CLDN10: variants seen among roughly 807,000 people sequenced by gnomAD.
CLDN10 encodes the protein claudin 10.
CLDN10 carries 15 observed loss-of-function variants against 22.9 expected under a neutral mutation model. That is an observed-to-expected ratio of 0.65 (90% CI 0.44 to 1.01). The LOEUF (loss-of-function observed/expected upper bound fraction) is 1.01, where lower values mean the gene tolerates loss of function less well. Ranked by LOEUF, CLDN10 falls within the 50% of genes least tolerant of loss-of-function variation. The pLI, the probability that CLDN10 is intolerant of heterozygous loss-of-function variation, is 0.00. For missense variants in CLDN10, 247 were observed against 287.8 expected, an observed-to-expected ratio of 0.86 and a Z score of 1.03; for synonymous variants, 114 against 111.4, an observed-to-expected ratio of 1.02 and a Z score of -0.15.
intron 1 of CLDN10, among the ~76,000 whole-genome samples, chr13:95,446,893 C>T (rs1159036598): frequency 1.3e-5 from 2 of 152,002 alleles, no homozygotes; most frequent in Non-Finnish European, 2.9e-5. Flanking sequence ...AGCTCTCCAT[C>T]TCTAATTGAT....
At chr13:95,473,007 G>C (rs1046503846) in intron 1 of CLDN10, among the ~76,000 whole-genome samples, 2 of 151,994 alleles carry the variant, frequency 1.3e-5, no homozygotes, top group African/African-American at 4.8e-5. Flanking sequence ...GGGTGTGGTG[G>C]CATGCACCTG....
At chr13:95,433,835 T>G (rs780076642) in exon 1 of CLDN10, 1 of 1,613,942 alleles carries the variant, frequency 6.2e-7, no homozygotes, top group East Asian at 2.2e-5. Context: ...CGGCGCGACA[T>G]GTCCAGGGCG....
chr13:95,477,407 T>A (rs1466933242), intron 1 of CLDN10, among the ~76,000 whole-genome samples: 1 of 152,062 alleles, frequency 6.6e-6, no homozygotes, highest in Admixed American at 6.6e-5. Context: ...GAGAGCCAGA[T>A]AAGGGAATTG....
At chr13:95,563,794 A>C (rs556610210) in intron 3 of CLDN10, among the ~76,000 whole-genome samples, 42 of 152,338 alleles carry the variant, frequency 2.8e-4, no homozygotes, top group African/African-American at 9.4e-4. Flanking sequence ...CACTTGTATA[A>C]AAACTAATAA....
chr13:95,510,866 A>G (rs979907516), intron 1 of CLDN10, among the ~76,000 whole-genome samples: 1 of 152,228 alleles, frequency 6.6e-6, no homozygotes, highest in African/African-American at 2.4e-5. Context: ...ACCAGTTGGA[A>G]ACTTACTCCA....
chr13:95,497,525 G>C (rs972665401), intron 1 of CLDN10, among the ~76,000 whole-genome samples: 2 of 152,196 alleles, frequency 1.3e-5, no homozygotes, highest in African/African-American at 4.8e-5. Context: ...AGGGAGGCAG[G>C]CCTGCCCATC....
chr13:95,471,440 C>CATAT (rs1555289814), intron 1 of CLDN10, among the ~76,000 whole-genome samples: 8 of 104,382 alleles, frequency 7.7e-5, no homozygotes, highest in South Asian at 3.1e-4. Context: ...CACACACACA[C>CATAT]ATATATATAT....
intron 1 of CLDN10, among the ~76,000 whole-genome samples, chr13:95,500,596 T>A (rs1484390740): frequency 6.6e-6 from 1 of 152,122 alleles, no homozygotes; most frequent in Non-Finnish European, 1.5e-5. Flanking sequence ...GGAGGAGGTC[T>A]CTGGCAAGTG....
chr13:95,529,381 C>A (rs2043317320), intron 1 of CLDN10, among the ~76,000 whole-genome samples: 1 of 112,548 alleles, frequency 8.9e-6, no homozygotes, highest in South Asian at 2.8e-4. Flanking sequence ...AGTGAATAAA[C>A]ACATTTTTTT....
At chr13:95,499,774 G>A (rs1016532305) in intron 1 of CLDN10, among the ~76,000 whole-genome samples, 1 of 152,116 alleles carries the variant, frequency 6.6e-6, no homozygotes, top group Non-Finnish European at 1.5e-5. Context: ...GACAAAGCAA[G>A]CCTGACACGT....
chr13:95,469,715 G>T (rs1021763554), intron 1 of CLDN10, among the ~76,000 whole-genome samples: 1 of 152,206 alleles, frequency 6.6e-6, no homozygotes, highest in African/African-American at 2.4e-5. Flanking sequence ...CCCAGGATGA[G>T]CAAGGGAGGC....
At chr13:95,527,087 C>A (rs943077814) in intron 1 of CLDN10, among the ~76,000 whole-genome samples, 2 of 152,118 alleles carry the variant, frequency 1.3e-5, no homozygotes, top group African/African-American at 4.8e-5. Flanking sequence ...CTGTTTTAGA[C>A]CCATTTTTGC....
intron 1 of CLDN10, among the ~76,000 whole-genome samples, chr13:95,487,148 C>T (rs1486919975): frequency 1.3e-5 from 2 of 152,212 alleles, no homozygotes; most frequent in Non-Finnish European, 2.9e-5. Context: ...TTCTGGCAGC[C>T]TATGATGTCA....
chr13:95,491,738 C>G (rs546542361), intron 1 of CLDN10, among the ~76,000 whole-genome samples: 23 of 152,134 alleles, frequency 1.5e-4, no homozygotes, highest in African/African-American at 5.3e-4. Flanking sequence ...TACTGAACAG[C>G]CTTGTTTTGT....
intron 1 of CLDN10, among the ~76,000 whole-genome samples, chr13:95,502,523 G>A (rs1594569065): frequency 1.3e-5 from 2 of 152,004 alleles, no homozygotes; most frequent in Admixed American, 1.3e-4. Context: ...GTTTTGTTCT[G>A]TGTGTTTGTT....
chr13:95,461,599 T>C (rs1024792160), intron 1 of CLDN10, among the ~76,000 whole-genome samples: 6 of 152,224 alleles, frequency 3.9e-5, no homozygotes, highest in Non-Finnish European at 7.3e-5. Flanking sequence ...GACCTCGTCA[T>C]GATTTGTGAA....
chr13:95,478,575 G>T (rs1425404799), intron 1 of CLDN10, among the ~76,000 whole-genome samples: 4 of 152,142 alleles, frequency 2.6e-5, no homozygotes, highest in Admixed American at 1.3e-4. Flanking sequence ...CTGCCCGGTG[G>T]GTGGGGTGAA....
intron 1 of CLDN10, among the ~76,000 whole-genome samples, chr13:95,491,008 G>A (rs955015958): frequency 2.6e-5 from 4 of 152,142 alleles, no homozygotes; most frequent in Non-Finnish European, 5.9e-5. Flanking sequence ...TACCATTAAT[G>A]TCCCTCTTTG....
chr13:95,569,403 G>T (rs1321947786), intron 3 of CLDN10, among the ~76,000 whole-genome samples: 2 of 152,072 alleles, frequency 1.3e-5, no homozygotes, highest in Non-Finnish European at 2.9e-5. Flanking sequence ...GGCCAACAAG[G>T]TGAAACCCTG....
Sources: gnomAD v4.1 joint callset for allele counts (sites outside exome capture counted in the v4.1 genomes callset) on GRCh38, gnomAD v4.1.1 for gene constraint, MANE v1.5 for transcripts, NCBI Gene and HGNC (gene_info 2026-07-23, HGNC 2026-07-21) for gene names.